Variants in ASTN2 observed in about 807,000 individuals in gnomAD.
ASTN2 encodes the protein astrotactin-2.
ASTN2 carries 54 observed loss-of-function variants against 139.8 expected under a neutral mutation model. The observed-to-expected ratio is 0.39, with a 90% CI of 0.31 to 0.48. The LOEUF (loss-of-function observed/expected upper bound fraction) is 0.48. ASTN2 is among the 20% of genes least tolerant of loss of function. The pLI is 0.95. For synonymous variants in ASTN2, 756 were observed against 719.5 expected (o/e 1.05, Z -0.81); for missense variants, 1,565 against 1,725.1 (o/e 0.91, Z 1.64).
At chr9:117,010,185 G>C (rs1474063276) in intron 6 of ASTN2, among the ~76,000 whole-genome samples, 1 of 152,002 alleles carries the variant, frequency 6.6e-6, no homozygotes, top group African/African-American at 2.4e-5. Context: ...AATGGAAGGA[G>C]TTTGTTGGAT....
intron 5 of ASTN2, among the ~76,000 whole-genome samples, chr9:117,062,510 T>C (rs755842640): frequency 3.3e-5 from 5 of 152,180 alleles, no homozygotes; most frequent in African/African-American, 4.8e-5. Context: ...AGAAATCTGA[T>C]TTTTAAACAT....
chr9:116,982,706 T>C (rs909711802), intron 7 of ASTN2, among the ~76,000 whole-genome samples: 3 of 152,104 alleles, frequency 2.0e-5, no homozygotes, highest in African/African-American at 4.8e-5. Context: ...GCTAGGACTA[T>C]AGGCACGTGC....
At chr9:116,627,384 G>A (rs1856518344) in intron 17 of ASTN2, among the ~76,000 whole-genome samples, 1 of 152,184 alleles carries the variant, frequency 6.6e-6, no homozygotes, top group African/African-American at 2.4e-5. Context: ...AGGGTCCTGA[G>A]ACATGAAGCT....
chr9:116,495,428 C>T (rs773807548), intron 19 of ASTN2, among the ~76,000 whole-genome samples: 4 of 152,104 alleles, frequency 2.6e-5, no homozygotes, highest in African/African-American at 4.8e-5. Context: ...GACAAGTGAC[C>T]TAGGCTTAAT....
At chr9:117,054,759 G>A (rs944976) in intron 5 of ASTN2, among the ~76,000 whole-genome samples, 119,093 of 152,020 alleles carry the variant, frequency 0.78, 46,739 homozygotes, top group South Asian at 0.87. Context: ...ATAAAATGTC[G>A]TAGTTCATTG....
At chr9:116,442,660 G>T (rs1419710446) in intron 20 of ASTN2, 107 bp from the exon 21 acceptor site, 12 of 876,334 alleles carry the variant, frequency 1.4e-5, no homozygotes, top group Non-Finnish European at 1.7e-5. Flanking sequence ...CAGGAAAAAT[G>T]ATTTTAAAAA....
intron 10 of ASTN2, among the ~76,000 whole-genome samples, chr9:116,943,611 G>A (rs1378313478): frequency 6.6e-6 from 1 of 152,126 alleles, no homozygotes; most frequent in African/African-American, 2.4e-5. Flanking sequence ...GATGCATGTA[G>A]GATTGTGCAG....
At chr9:116,989,582 T>G (rs949368751) in intron 7 of ASTN2, among the ~76,000 whole-genome samples, 1 of 95,858 alleles carries the variant, frequency 1.0e-5, no homozygotes, top group Non-Finnish European at 2.1e-5. Context: ...CTGATTATAT[T>G]TGGGTTTTTT....
chr9:117,054,253 G>A (rs1020830557), intron 5 of ASTN2, among the ~76,000 whole-genome samples: 12 of 152,182 alleles, frequency 7.9e-5, no homozygotes, highest in African/African-American at 2.7e-4. Context: ...GGAAGTGCCT[G>A]AAGGCTGTGC....
intron 10 of ASTN2, among the ~76,000 whole-genome samples, chr9:116,932,914 G>A (rs1363107379): frequency 6.7e-6 from 1 of 149,904 alleles, no homozygotes; most frequent in African/African-American, 2.5e-5. Context: ...GCTGAGGCAG[G>A]AGAATCACTT....
In ASTN2 at chr9:116,511,545, T is replaced by A. The variant is rs188363151; in HGVS notation, c.3356-24045A>T. Among the ~76,000 whole-genome samples, 24 of 152,346 alleles carry A rather than the reference T, an allele frequency of 1.6e-4. No individual in the cohort carries two copies. In the East Asian group the frequency reaches 4.4e-3, roughly 28 times the overall value. On this transcript the variant is annotated intron_variant, in intron 19 of 22. Coordinates refer to ENST00000313400, the MANE Select transcript of ASTN2 (RefSeq NM_001365068.1). ...AATGAGTTAGGGAGAATTCCCACTT[T>A]TTCTATTGATTGGAAGAGTTTCAGA...
At chr9:116,648,543 A>G (rs932434266) in intron 17 of ASTN2, among the ~76,000 whole-genome samples, 13 of 152,094 alleles carry the variant, frequency 8.5e-5, no homozygotes, top group Admixed American at 8.5e-4. Flanking sequence ...GTGGAGACAT[A>G]CACATATGTA....
At chr9:116,712,541 C>A (rs1179311967) in intron 16 of ASTN2, among the ~76,000 whole-genome samples, 3 of 152,174 alleles carry the variant, frequency 2.0e-5, no homozygotes, top group African/African-American at 2.4e-5. Flanking sequence ...TGTGAGCACT[C>A]TGGGTCACAA....
At chr9:116,599,090 T>C (rs915304246) in intron 19 of ASTN2, among the ~76,000 whole-genome samples, 1 of 152,174 alleles carries the variant, frequency 6.6e-6, no homozygotes, top group Non-Finnish European at 1.5e-5. Context: ...TGTAGTGGGT[T>C]GGATGTCAGA....
rs1349918772 is a variant in ASTN2, at chr9:117,414,857, G to A, written c.82C>T (p.Pro28Ser). 16 of 1,092,216 alleles carry A rather than the reference G, an allele frequency of 1.5e-5. No individual in the cohort carries two copies. Among genetic ancestry groups the A allele is most frequent in the Non-Finnish European group, 1.7e-5 (15 of 882,078 alleles). The allele number at this position is 1,092,216 out of a possible 1,614,324, so 67.7% of individuals were successfully genotyped here. The change falls in exon 1 of 23, where the codon CCG becomes TCG. Residue 28 changes from proline to serine, a missense_variant. Pro to Ser is a moderately conservative substitution (Grantham distance 74). Transcript: ENST00000313400. The surrounding 1 kb of genome is among the most constrained non-coding windows in gnomAD (Gnocchi z 4.2). ...GRPRLCFHPG[P>S]PPLLPLLLLF... ...AGCAGCAGCGGCAGCAGTGGCGGCG[G>A]CCCCGGGTGGAAGCAGAGCCTCGGC...
At chr9:117,353,419 T>A (rs1829446462) in intron 1 of ASTN2, among the ~76,000 whole-genome samples, 1 of 152,228 alleles carries the variant, frequency 6.6e-6, no homozygotes, top group Admixed American at 6.5e-5. Context: ...ATCTGGCTAC[T>A]GTGTGCTGGG....
At chr9:117,201,911 G>T (rs538631401) in intron 3 of ASTN2, among the ~76,000 whole-genome samples, 1 of 152,062 alleles carries the variant, frequency 6.6e-6, no homozygotes, top group Non-Finnish European at 1.5e-5. Context: ...TTTCTGTCTC[G>T]TTGATCTGTC....
intron 1 of ASTN2, among the ~76,000 whole-genome samples, chr9:117,315,975 C>T (rs1828131644): frequency 6.6e-6 from 1 of 152,206 alleles, no homozygotes; most frequent in Non-Finnish European, 1.5e-5. Context: ...GTGCCAAGCA[C>T]TCTTCTAAGT....
chr9:116,742,248 CTCT>C (rs1287348407), intron 13 of ASTN2, among the ~76,000 whole-genome samples: 7 of 152,240 alleles, frequency 4.6e-5, no homozygotes, highest in Non-Finnish European at 1.0e-4. Context: ...AAGTTCCCTT[CTCT>C]ATCAAAAGAC....
Sources: allele counts gnomAD v4.1 joint callset (sites outside exome capture counted in the v4.1 genomes callset), GRCh38; gene constraint gnomAD v4.1.1; non-coding constraint Gnocchi (gnomAD v3.1); transcripts MANE v1.5; gene names NCBI Gene and HGNC (gene_info 2026-07-23, HGNC 2026-07-21).